Variants in PPIF observed in about 807,000 individuals in gnomAD.
PPIF encodes the protein peptidyl-prolyl cis-trans isomerase F, mitochondrial.
In PPIF, 23 loss-of-function variants were observed where a neutral mutation model predicts 20.2. The observed-to-expected ratio is 1.14, with a 90% CI of 0.82 to 1.61. The LOEUF (loss-of-function observed/expected upper bound fraction) is 1.61, where lower values mean the gene tolerates loss of function less well. Among genes scored for constraint, PPIF ranks in the 40% most tolerant of loss-of-function variants. The pLI is 0.00. For synonymous variants in PPIF, 113 were observed against 123.1 expected, an observed-to-expected ratio of 0.92 and a Z score of 0.54; for missense variants, 287 against 291.6, an observed-to-expected ratio of 0.98 and a Z score of 0.11.
chr10:79,354,557 T>C lies in PPIF; in HGVS notation c.*715T>C, dbSNP rs1015372369. ...CTGTGTTGCTAACAGAAGTGGCCTG[T>C]AAGCTCCTGTGCTCCGGAGGGAAGC... On this transcript the variant is annotated 3_prime_UTR_variant, in exon 6 of 6. Transcript: ENST00000225174. 1 of 152,914 alleles carries C rather than the reference T, an allele frequency of 6.5e-6. No individual in the cohort carries two copies. The highest frequency in any genetic ancestry group is 6.5e-5 in the Admixed American group (1 of 15,284). 9.5% of individuals were successfully genotyped at this position (152,914 alleles called of 1,614,324 possible). A position where few individuals can be genotyped will look rare whatever the true frequency, so the allele number is the denominator to read the frequency against.
At position 79,355,200 on chromosome 10, in the gene PPIF, A is replaced by G. The variant is rs1856033861; in HGVS notation, c.*1358A>G. The G allele has an allele frequency of 1.3e-5, 2 of 152,008 alleles. No individual in the cohort carries two copies. The highest frequency in any genetic ancestry group is 6.6e-5 in the Admixed American group (1 of 15,256). 9.4% of individuals were successfully genotyped at this position (152,008 alleles called of 1,614,324 possible). A position where few individuals can be genotyped will look rare whatever the true frequency, so the allele number is the denominator to read the frequency against. ...CTTGCTCCTGCTTTCACCATGTGAC[A>G]TGCCTGATCCCCCTTCACCTTTTGC... On this transcript the variant is annotated 3_prime_UTR_variant, in exon 6 of 6. Coordinates refer to ENST00000225174, the MANE Select transcript of PPIF (RefSeq NM_005729.4).
In PPIF at chr10:79,354,085, C is replaced by G. The variant is rs568678017; in HGVS notation, c.*243C>G. Reference sequence around the variant, plus strand: ...TTTGTGGACATGATGTCACCCACCCCTTGTCAAGCATTGCCTGTGATTGCC... The same window carrying G: ...TTTGTGGACATGATGTCACCCACCCGTTGTCAAGCATTGCCTGTGATTGCC... On this transcript the variant is annotated 3_prime_UTR_variant, in exon 6 of 6. Coordinates refer to ENST00000225174, the MANE Select transcript of PPIF (RefSeq NM_005729.4). 1.9e-6 allele frequency: 1 copy of G among 533,628 alleles called. No homozygotes were observed. The highest frequency in any genetic ancestry group is 2.1e-5 in the South Asian group (1 of 46,600). The allele number at this position is 533,628 out of a possible 1,614,324, so 33.1% of individuals were successfully genotyped here.
Position 79,349,750 on chromosome 10 carries a change from C to T in PPIF, c.312C>T (p.Cys104=). 1 of 1,613,990 alleles carries T rather than the reference C, an allele frequency of 6.2e-7. No homozygotes were observed. Among genetic ancestry groups the T allele is most frequent in the Non-Finnish European group, 8.5e-7 (1 of 1,180,008 alleles). Residue 104 remains cysteine (C), a synonymous_variant, in exon 3 of 6, where the codon TGC becomes TGT. Coordinates refer to ENST00000225174, the MANE Select transcript of PPIF (RefSeq NM_005729.4). ...TFHRVIPSFM[C]QAGDFTNHNG... is the part of the protein sequence containing the mutation. ...ACAGGGTGATCCCTTCCTTCATGTG[C>T]CAGGTAATGTAGTTTCCTCTTCTGT... is the stretch of plus-strand genomic sequence containing the variant.
chr10:79,349,517 G>A lies in PPIF; in HGVS notation c.227-148G>A, dbSNP rs377197625. ...GGAGTGACTTGTCCAGTTACATAGC[G>A]AGTTGGGCAGAGCAGACCCAAGAGG... is the stretch of plus-strand genomic sequence containing the variant. On this transcript the variant is annotated intron_variant, in intron 2 of 5. Transcript: ENST00000225174. The A allele has an allele frequency of 1.8e-5, 25 of 1,414,558 alleles. No homozygotes were observed. The East Asian group carries it at 2.5e-4, about 14-fold the overall frequency. 87.6% of individuals were successfully genotyped at this position (1,414,558 alleles called of 1,614,324 possible).
intron 1 of PPIF, among the ~76,000 whole-genome samples, chr10:79,347,958 C>T (rs1462264699): frequency 6.6e-6 from 1 of 151,834 alleles, no homozygotes; most frequent in Admixed American, 6.6e-5. Flanking sequence ...AGGGAGGGCA[C>T]GTGTGGAGGA....
At chr10:79,351,368 C>T (rs571263240) in intron 3 of PPIF, 119 bp from the exon 4 acceptor site, 3 of 692,066 alleles carry the variant, frequency 4.3e-6, no homozygotes, top group Non-Finnish European at 7.4e-6. Context: ...TTTATTGACC[C>T]CTTTACCTGA....
At chr10:79,350,334 G>C (rs555290292) in intron 3 of PPIF, among the ~76,000 whole-genome samples, 1 of 152,314 alleles carries the variant, frequency 6.6e-6, no homozygotes, top group African/African-American at 2.4e-5. Context: ...AGCTTCCTGT[G>C]GGTCAGGACC....
Position 79,348,996 on chromosome 10 carries a change from G to T in PPIF, c.196-80G>T, listed in dbSNP as rs916971934. On this transcript the variant is annotated intron_variant, in intron 1 of 5. Transcript: ENST00000225174. The stretch of plus-strand genomic sequence containing the variant: ...CTTAGCCTCCTTGGCCACTGTGGGG[G>T]TGGGTGGGTGCTGAGAGACACCCAC... 107 of 1,612,562 alleles carry T rather than the reference G, an allele frequency of 6.6e-5. 1 individual carries two copies. Among genetic ancestry groups the T allele is most frequent in the South Asian group, 4.5e-4 (41 of 91,016 alleles).
chr10:79,347,624 G>A lies in PPIF; in HGVS notation c.76G>A (p.Ala26Thr). The A allele has an allele frequency of 1.4e-6, 2 of 1,444,778 alleles. No individual in the cohort carries two copies. Among genetic ancestry groups the A allele is most frequent in the Middle Eastern group, 2.2e-4 (1 of 4,552 alleles). 89.5% of individuals were successfully genotyped at this position (1,444,778 alleles called of 1,614,324 possible). The change falls in exon 1 of 6, where the codon GCG (alanine) becomes ACG (threonine). Residue 26 changes from alanine to threonine, a missense_variant. Transcript: ENST00000225174. ...GCGCTCCGTGCCGCTGCGCCTCCCCGCGGCCCGCGCCTGCAGCAAGGGCTC... is the reference window on the plus strand; with the variant it reads ...GCGCTCCGTGCCGCTGCGCCTCCCCACGGCCCGCGCCTGCAGCAAGGGCTC... ...VPRSVPLRLP[A>T]ARACSKGSGD...
In PPIF at chr10:79,354,368, C is replaced by A. The variant is rs1444756053; in HGVS notation, c.*526C>A. 1 of 154,420 alleles carries A rather than the reference C, an allele frequency of 6.5e-6. No individual in the cohort carries two copies. Among genetic ancestry groups the A allele is most frequent in the Admixed American group, 6.4e-5 (1 of 15,574 alleles). 9.6% of individuals were successfully genotyped at this position (154,420 alleles called of 1,614,324 possible). On this transcript the variant is annotated 3_prime_UTR_variant, in exon 6 of 6. Coordinates refer to ENST00000225174, the MANE Select transcript of PPIF (RefSeq NM_005729.4). ...ACCCCAGAGCTTGGCTTTTGAAACA[C>A]AACTCAGGGCTTTTGTGAAGGTTCC... is the stretch of plus-strand genomic sequence containing the variant.
chr10:79,352,083 A>T (rs1855989432), intron 4 of PPIF, among the ~76,000 whole-genome samples: 3 of 151,808 alleles, frequency 2.0e-5, no homozygotes, highest in African/African-American at 7.3e-5. Flanking sequence ...CAGCTCTACC[A>T]CTGAGAGCTT....
At position 79,347,674 on chromosome 10, in the gene PPIF, C is replaced by T. The variant is rs1225586791; in HGVS notation, c.126C>T (p.Ser42=). The part of the protein sequence containing the change: ...KGSGDPSSSS[S]SGNPLVYLDV... ...CCGGCGACCCGTCCTCTTCCTCCTC[C>T]TCCGGGAACCCGCTCGTGTACCTGG... The change falls in exon 1 of 6, where the codon TCC becomes TCT. Residue 42 remains serine (S), a synonymous_variant. Transcript: ENST00000225174. 1 of 1,477,646 alleles carries T rather than the reference C, an allele frequency of 6.8e-7. No homozygotes were observed. 91.5% of individuals were successfully genotyped at this position (1,477,646 alleles called of 1,614,324 possible).
chr10:79,351,818 T>G, intron 4 of PPIF: 1 of 492,062 alleles, frequency 2.0e-6, no homozygotes, highest in Non-Finnish European at 3.6e-6. Flanking sequence ...GAAGAACCTT[T>G]AAGCAGAATG....
At chr10:79,351,739 T>C in intron 4 of PPIF, 156 bp downstream of exon 4, 1 of 645,708 alleles carries the variant, frequency 1.5e-6, no homozygotes, top group South Asian at 2.2e-5. Flanking sequence ...CATTTCTGGC[T>C]TGTTGAGTTT....
chr10:79,348,164 C>T (rs1855926124), intron 1 of PPIF, among the ~76,000 whole-genome samples: 1 of 152,090 alleles, frequency 6.6e-6, no homozygotes, highest in Non-Finnish European at 1.5e-5. Flanking sequence ...CGGAGCGCTT[C>T]CTGGCTCCGG....
At chr10:79,349,560 C>G in intron 2 of PPIF, 105 bp from the exon 3 acceptor site, 1 of 1,536,444 alleles carries the variant, frequency 6.5e-7, no homozygotes, top group African/African-American at 1.4e-5. Context: ...GAGTCTTTAT[C>G]CCCCTGTTCA....
intron 3 of PPIF, among the ~76,000 whole-genome samples, 181 bp from the exon 4 acceptor site, chr10:79,351,306 C>CTT (rs372514155): frequency 2.1e-5 from 3 of 139,592 alleles, no homozygotes; most frequent in African/African-American, 7.9e-5. Context: ...TAAGTTTTGT[C>CTT]TTTTTTTTTT....
At chr10:79,348,789 G>A (rs1270778302) in intron 1 of PPIF, among the ~76,000 whole-genome samples, 4 of 152,158 alleles carry the variant, frequency 2.6e-5, no homozygotes, top group African/African-American at 4.8e-5. Flanking sequence ...GCCCAGCTGT[G>A]GGAGCACTGC....
rs187956293 is a variant in PPIF at position 79,354,466 on chromosome 10, T to C, written c.*624T>C. 6.5e-6 allele frequency: 1 copy of C among 154,066 alleles called. No individual in the cohort carries two copies. Among genetic ancestry groups the C allele is most frequent in the African/African-American group, 2.4e-5 (1 of 41,554 alleles). 9.5% of individuals were successfully genotyped at this position (154,066 alleles called of 1,614,324 possible). A position where few individuals can be genotyped will look rare whatever the true frequency, so the allele number is the denominator to read the frequency against. On this transcript the variant is annotated 3_prime_UTR_variant, in exon 6 of 6. Coordinates refer to ENST00000225174, the MANE Select transcript of PPIF (RefSeq NM_005729.4). ...TGCTGTCGTTTTTGAGGAGGGCCCATGGGGGTAGGAGCAGTTGAACCTGGG... is the reference window on the plus strand; with the variant it reads ...TGCTGTCGTTTTTGAGGAGGGCCCACGGGGGTAGGAGCAGTTGAACCTGGG...
Sources: gnomAD v4.1 joint callset for allele counts (sites outside exome capture counted in the v4.1 genomes callset) on GRCh38, gnomAD v4.1.1 for gene constraint, MANE v1.5 for transcripts, NCBI Gene and HGNC (gene_info 2026-07-23, HGNC 2026-07-21) for gene names.